CDH13: variants seen among roughly 807,000 people sequenced by gnomAD.
The protein encoded by CDH13 is cadherin-13.
In CDH13, 24 loss-of-function variants were observed where a neutral mutation model predicts 63.8. The observed-to-expected ratio is 0.38, with a 90% confidence interval of 0.27 to 0.53. The LOEUF is 0.53. Ranked by LOEUF, CDH13 falls within the 20% of genes least tolerant of loss-of-function variation. The pLI, the probability that CDH13 is intolerant of heterozygous loss-of-function variation, is 0.85. For missense variants in CDH13, 1,049 were observed against 903.1 expected, an observed-to-expected ratio of 1.16 and a Z score of -2.07; for synonymous variants, 503 against 355.3, an observed-to-expected ratio of 1.42 and a Z score of -4.67.
At chr16:82,931,992 G>C (rs1050107109) in intron 2 of CDH13, among the ~76,000 whole-genome samples, 1 of 152,110 alleles carries the variant, frequency 6.6e-6, no homozygotes, top group Non-Finnish European at 1.5e-5. Flanking sequence ...GAATGAAAAG[G>C]GGGGCACAGT....
intron 1 of CDH13, among the ~76,000 whole-genome samples, chr16:82,811,083 C>T (rs1452808468): frequency 1.3e-5 from 2 of 152,124 alleles, no homozygotes. Flanking sequence ...CATATTTATA[C>T]TATATCATTG....
At chr16:83,349,194 C>G (rs1230398061) in intron 6 of CDH13, among the ~76,000 whole-genome samples, 1 of 152,166 alleles carries the variant, frequency 6.6e-6, no homozygotes, top group Non-Finnish European at 1.5e-5. Context: ...TTTGCAGAGC[C>G]ACAGACATTG....
At chr16:83,206,260 C>G (rs761538221) in intron 4 of CDH13, among the ~76,000 whole-genome samples, 9 of 152,224 alleles carry the variant, frequency 5.9e-5, no homozygotes, top group Non-Finnish European at 1.3e-4. Context: ...GCCGTGATTT[C>G]TCTGACAATC....
At chr16:83,696,854 A>G (rs1905474691) in intron 10 of CDH13, among the ~76,000 whole-genome samples, 1 of 152,150 alleles carries the variant, frequency 6.6e-6, no homozygotes, top group Non-Finnish European at 1.5e-5. Context: ...ACTGAAGCTC[A>G]GATCCCGTCT....
chr16:83,308,115 A>T (rs2089920306), intron 5 of CDH13, among the ~76,000 whole-genome samples: 1 of 152,172 alleles, frequency 6.6e-6, no homozygotes, highest in South Asian at 2.1e-4. Context: ...ATCAGAGATA[A>T]ATATACCTTA....
chr16:83,359,222 G>A (rs79628661), intron 6 of CDH13, among the ~76,000 whole-genome samples: 2 of 152,154 alleles, frequency 1.3e-5, no homozygotes, highest in African/African-American at 2.4e-5. Flanking sequence ...CTGGTTTTCA[G>A]CTATGTTTCC....
rs1249724749 is a variant in CDH13, at chr16:82,886,602, G to T, written c.157+28129G>T. ...TGTGGAGCTTGTTCTTAATGATTCT[G>T]CCAGGGCTTAAAATTTTTACTTTCT... On this transcript the variant is annotated intron_variant, in intron 2 of 13. Transcript: ENST00000567109. Among the ~76,000 whole-genome samples, 12 of 148,618 alleles carry T rather than the reference G, an allele frequency of 8.1e-5. No individual in the cohort carries two copies. In the East Asian group the frequency reaches 1.8e-3, roughly 22 times the overall value.
At chr16:82,804,039 C>A (rs192296884) in intron 1 of CDH13, among the ~76,000 whole-genome samples, 6 of 152,074 alleles carry the variant, frequency 3.9e-5, no homozygotes, top group Non-Finnish European at 7.4e-5. Flanking sequence ...ACCAGCCTGA[C>A]CAACATGGTA....
chr16:83,277,607 C>G (rs1326631824), intron 5 of CDH13, among the ~76,000 whole-genome samples: 1 of 152,128 alleles, frequency 6.6e-6, no homozygotes, highest in Non-Finnish European at 1.5e-5. Context: ...TCTCATATCT[C>G]ATGTATATAT....
intron 6 of CDH13, among the ~76,000 whole-genome samples, chr16:83,360,232 T>A (rs1019453668): frequency 6.6e-6 from 1 of 152,216 alleles, no homozygotes; most frequent in African/African-American, 2.4e-5. Flanking sequence ...AGATTAGTCT[T>A]GAGTTATGCA....
chr16:82,732,166 G>T (rs2033437296), intron 1 of CDH13, among the ~76,000 whole-genome samples: 1 of 152,122 alleles, frequency 6.6e-6, no homozygotes, highest in African/African-American at 2.4e-5. Flanking sequence ...CCAAAAGACT[G>T]CACGCTTCCC....
intron 10 of CDH13, among the ~76,000 whole-genome samples, chr16:83,727,633 G>A (rs1003130905): frequency 2.6e-5 from 4 of 152,026 alleles, no homozygotes; most frequent in Non-Finnish European, 5.9e-5. Context: ...TTTATAAGCC[G>A]AGAATGTTAG....
At chr16:82,835,823 G>C (rs1428462078) in intron 1 of CDH13, among the ~76,000 whole-genome samples, 1 of 152,072 alleles carries the variant, frequency 6.6e-6, no homozygotes, top group African/African-American at 2.4e-5. Context: ...TTAATTCTTG[G>C]CCAGAGTCTC....
At chr16:83,180,394 A>G (rs1206625817) in intron 4 of CDH13, among the ~76,000 whole-genome samples, 1 of 152,132 alleles carries the variant, frequency 6.6e-6, no homozygotes, top group Non-Finnish European at 1.5e-5. Flanking sequence ...CCTAGGAACT[A>G]TCCTAATATG....
At chr16:83,000,175 A>T (rs966206191) in intron 2 of CDH13, among the ~76,000 whole-genome samples, 2 of 140,538 alleles carry the variant, frequency 1.4e-5, no homozygotes, top group African/African-American at 5.4e-5. Flanking sequence ...CTTATTGGGC[A>T]ATTCTATGTA....
At chr16:82,781,963 G>C (rs1294032731) in intron 1 of CDH13, among the ~76,000 whole-genome samples, 1 of 152,218 alleles carries the variant, frequency 6.6e-6, no homozygotes, top group East Asian at 1.9e-4. Context: ...TTCAAAGAAG[G>C]AGGCACACAT....
Position 82,799,550 on chromosome 16 carries a change from G to T in CDH13, c.46-58812G>T, listed in dbSNP as rs549567952. ...TTTTTTGCAACATTGCTAATTCCAC[G>T]TTGTAATCAAGGAGAAATAAATGGA... On this transcript the variant is annotated intron_variant, in intron 1 of 13. Transcript: ENST00000567109. Among the ~76,000 whole-genome samples the T allele has an allele frequency of 3.1e-4, 47 of 152,228 alleles. No homozygotes were observed. In the South Asian group the frequency reaches 9.5e-3, roughly 31 times the overall value.
chr16:83,131,941 C>A (rs1235289791), intron 4 of CDH13, among the ~76,000 whole-genome samples: 1 of 152,164 alleles, frequency 6.6e-6, no homozygotes, highest in African/African-American at 2.4e-5. Flanking sequence ...TTGATTGTGT[C>A]ATGAACGTAA....
chr16:82,807,572 C>G (rs1272122370), intron 1 of CDH13, among the ~76,000 whole-genome samples: 2 of 34,090 alleles, frequency 5.9e-5, no homozygotes, highest in East Asian at 0.5. Context: ...ATGTCTTGAT[C>G]TCTGGGCTAA....
Sources: allele counts gnomAD v4.1 joint callset (sites outside exome capture counted in the v4.1 genomes callset), GRCh38; gene constraint gnomAD v4.1.1; transcripts MANE v1.5; gene names NCBI Gene and HGNC (gene_info 2026-07-23, HGNC 2026-07-21).